Variants in USH2A observed in about 807,000 individuals in gnomAD.
The protein encoded by USH2A is usherin.
Under a neutral mutation model 538.9 loss-of-function variants are expected in USH2A, and 443 were observed. That is an observed-to-expected ratio of 0.82 (90% CI 0.76 to 0.89). USH2A has a LOEUF of 0.89. Among genes scored for constraint, USH2A ranks in the 40% least tolerant of loss-of-function variants. USH2A has a pLI of 0.00. For missense variants in USH2A, 6,633 were observed against 6,324.8 expected, an observed-to-expected ratio of 1.05 and a Z score of -1.65; for synonymous variants, 2,413 against 2,273.5, an observed-to-expected ratio of 1.06 and a Z score of -1.75.
intron 11 of USH2A, among the ~76,000 whole-genome samples, chr1:216,264,864 T>C (rs929858333): frequency 1.3e-5 from 2 of 152,012 alleles, no homozygotes; most frequent in Non-Finnish European, 2.9e-5. Flanking sequence ...GCTATCCATG[T>C]GCAAATGAAT....
intron 38 of USH2A, among the ~76,000 whole-genome samples, chr1:215,907,707 T>A (rs1665676020): frequency 6.6e-6 from 1 of 152,148 alleles, no homozygotes; most frequent in East Asian, 1.9e-4. Context: ...CCATACCAGA[T>A]TAATTATTTT....
intron 37 of USH2A, among the ~76,000 whole-genome samples, chr1:215,962,086 C>G (rs936169048): frequency 3.3e-5 from 5 of 151,934 alleles, no homozygotes; most frequent in Non-Finnish European, 7.4e-5. Context: ...CAACTAATTC[C>G]TAATAACTAC....
chr1:216,247,045 G>C lies in USH2A; in HGVS notation c.2349C>G (p.Asn783Lys), dbSNP rs1166644045. 1 of 1,614,036 alleles carries C rather than the reference G, an allele frequency of 6.2e-7. No homozygotes were observed. Among genetic ancestry groups the C allele is most frequent in the Non-Finnish European group, 8.5e-7 (1 of 1,179,964 alleles). ...KGLQCDTCRE[N>K]FYGLDVTNCK... ...AATTGGTGACATCTAACCCATAAAAGTTTTCTCTGCAGGTGTCACACTGAA... is the reference window on the plus strand; with the variant it reads ...AATTGGTGACATCTAACCCATAAAACTTTTCTCTGCAGGTGTCACACTGAA... The change falls in exon 13 of 72, where the codon AAC becomes AAG. Residue 783 changes from asparagine (N) to lysine (K), a missense_variant. Coordinates refer to ENST00000307340, the MANE Select transcript of USH2A (RefSeq NM_206933.4).
intron 13 of USH2A, among the ~76,000 whole-genome samples, chr1:216,238,970 C>G (rs67311156): frequency 0.015 from 2,277 of 152,110 alleles, 28 homozygotes; most frequent in Non-Finnish European, 0.023. Context: ...ATGAAAGCTT[C>G]AGATTGTAGC....
rs375754464 is a variant in USH2A, at chr1:215,798,989, C to T, written c.9876G>A (p.Gln3292=). ...TCACAATCTGTCTGCCACAGCACTT[C>T]TGGCCATGGCCATCATGAAGCCTCC... The part of the protein sequence containing the change: ...CAGRLHDGHG[Q]KCCGRQIVSN... Residue 3292 remains glutamine (Q), a synonymous_variant, in exon 50 of 72, where the codon CAG becomes CAA. Transcript: ENST00000307340. The T allele has an allele frequency of 2.5e-6, 4 of 1,614,020 alleles. No homozygotes were observed. The African/African-American group carries it at 5.3e-5, about 22-fold the overall frequency.
chr1:215,798,958 C>G lies in USH2A; in HGVS notation c.9907G>C (p.Asp3303His), dbSNP rs1367867781. 3 of 1,614,000 alleles carry G rather than the reference C, an allele frequency of 1.9e-6. No individual in the cohort carries two copies. The East Asian group carries it at 6.7e-5, about 36-fold the overall frequency. The change falls in exon 50 of 72, where the codon GAT (aspartate) becomes CAT (histidine). Residue 3303 changes from aspartate (D) to histidine (H), a missense_variant. Physicochemically the swap from Asp to His is moderately conservative, Grantham distance 81. Coordinates refer to ENST00000307340, the MANE Select transcript of USH2A (RefSeq NM_206933.4). The stretch of plus-strand genomic sequence containing the variant: ...TCTTCTCCACCACAACACTCTAAAT[C>G]GTTGCTCACAATCTGTCTGCCACAG... ...KCCGRQIVSN[D>H]LECCGGEEGV... is the part of the protein sequence containing the mutation.
intron 35 of USH2A, among the ~76,000 whole-genome samples, chr1:215,992,730 G>T (rs1414621602): frequency 6.6e-6 from 1 of 151,946 alleles, no homozygotes; most frequent in Non-Finnish European, 1.5e-5. Flanking sequence ...TCTCACTACG[G>T]CATTCTTTGG....
rs150600947 is a variant in USH2A at position 215,671,198 on chromosome 1, G to A, written c.13907C>T (p.Pro4636Leu). 6.8e-6 allele frequency: 11 copies of A among 1,614,104 alleles called. No homozygotes were observed. Among genetic ancestry groups the A allele is most frequent in the Non-Finnish European group, 7.6e-6 (9 of 1,180,022 alleles). The change falls in exon 64 of 72, where the codon CCC (proline) becomes CTC (leucine). Residue 4636 changes from proline to leucine, a missense_variant. By Grantham distance (98) the Pro-to-Leu change is moderately conservative (BLOSUM62 -3). Coordinates refer to ENST00000307340, the MANE Select transcript of USH2A (RefSeq NM_206933.4). ...CATTTGTACCTCCAGATGTGGAGGG[G>A]GTTGCATCAAAGGTGCAATCTCAGG... ...QTPEIAPLMQ[P>L]PPHLEVQMAP...
chr1:216,218,323 A>T (rs193082706), intron 14 of USH2A, among the ~76,000 whole-genome samples: 13 of 152,116 alleles, frequency 8.5e-5, no homozygotes, highest in African/African-American at 3.1e-4. Flanking sequence ...GTTTCTTCAC[A>T]GTGAATTATT....
intron 64 of USH2A, among the ~76,000 whole-genome samples, chr1:215,664,433 C>A (rs189745463): frequency 4.7e-4 from 71 of 152,272 alleles, no homozygotes; most frequent in Middle Eastern, 3.4e-3. Context: ...TGCATCAACA[C>A]AACTTAAAGC....
In USH2A at chr1:215,675,744, T is replaced by A. The variant is rs78481559; in HGVS notation, c.12295-128A>T. On this transcript the variant is annotated intron_variant, in intron 62 of 71. Transcript: ENST00000307340. Reference sequence around the variant, plus strand: ...TGACCCTAATTTAGAAGAAGTATTCTGATATTAATTGGGGATATGTGATTT... The same window carrying A: ...TGACCCTAATTTAGAAGAAGTATTCAGATATTAATTGGGGATATGTGATTT... 23,868 of 1,530,172 alleles carry A rather than the reference T, an allele frequency of 0.016. 291 individuals carry two copies. Among genetic ancestry groups the A allele is most frequent in the African/African-American group, 0.053 (3,845 of 73,236 alleles). 94.8% of individuals were successfully genotyped at this position (1,530,172 alleles called of 1,614,324 possible).
chr1:216,143,882 T>A (rs1047656121), intron 21 of USH2A, among the ~76,000 whole-genome samples: 1 of 152,188 alleles, frequency 6.6e-6, no homozygotes, highest in African/African-American at 2.4e-5. Context: ...GTGACTACAA[T>A]GCAAGAAGCT....
At chr1:216,096,354 G>A (rs1055475169) in intron 22 of USH2A, among the ~76,000 whole-genome samples, 22 of 152,130 alleles carry the variant, frequency 1.4e-4, no homozygotes, top group Non-Finnish European at 2.9e-4. Flanking sequence ...TTTATGCTCA[G>A]CACCTTCCCA....
At chr1:216,346,557 C>A (rs1172962034) in intron 4 of USH2A, among the ~76,000 whole-genome samples, 1 of 151,986 alleles carries the variant, frequency 6.6e-6, no homozygotes, top group Non-Finnish European at 1.5e-5. Flanking sequence ...TGGCTCTTTG[C>A]ACATTTGGAT....
At chr1:215,882,890 G>A (rs1419901976) in intron 41 of USH2A, among the ~76,000 whole-genome samples, 9 of 152,194 alleles carry the variant, frequency 5.9e-5, no homozygotes, top group Non-Finnish European at 2.9e-5. Flanking sequence ...TATGCAATAT[G>A]TGCTCTTGTG....
At chr1:216,397,740 C>T (rs1484811272) in intron 3 of USH2A, among the ~76,000 whole-genome samples, 1 of 152,232 alleles carries the variant, frequency 6.6e-6, no homozygotes, top group Non-Finnish European at 1.5e-5. Flanking sequence ...ATGGGATGCA[C>T]TGTCAGCTTC....
At chr1:216,234,607 A>C (rs149904754) in intron 13 of USH2A, among the ~76,000 whole-genome samples, 167 of 152,194 alleles carry the variant, frequency 1.1e-3, no homozygotes, top group African/African-American at 3.7e-3. Flanking sequence ...TAAATCCATG[A>C]TGATGGCATC....
intron 15 of USH2A, among the ~76,000 whole-genome samples, chr1:216,208,028 A>G (rs1055850173): frequency 3.9e-5 from 6 of 152,180 alleles, no homozygotes; most frequent in Admixed American, 1.3e-4. Flanking sequence ...TTTAAGATGT[A>G]ATACAATTGC....
chr1:215,707,873 G>A (rs953444685), intron 61 of USH2A, among the ~76,000 whole-genome samples: 3 of 152,086 alleles, frequency 2.0e-5, no homozygotes, highest in South Asian at 4.2e-4. Context: ...GGGTTTAGGT[G>A]GTCACAAAAT....
Sources: allele counts gnomAD v4.1 joint callset (sites outside exome capture counted in the v4.1 genomes callset), GRCh38; gene constraint gnomAD v4.1.1; transcripts MANE v1.5; gene names NCBI Gene and HGNC (gene_info 2026-07-23, HGNC 2026-07-21).